The following PKP4 variants were observed in gnomAD, a reference collection of about 807,000 sequenced individuals.
PKP4 encodes the protein plakophilin 4, also known as plakophilin-4.
Under a neutral mutation model 145.1 loss-of-function variants are expected in PKP4, and 90 were observed. The ratio of observed to expected loss-of-function variants is 0.62; its 90% confidence interval spans 0.52 to 0.74. The LOEUF (loss-of-function observed/expected upper bound fraction) is 0.74. Among genes scored for constraint, PKP4 ranks in the 30% least tolerant of loss-of-function variants. The pLI is 0.00. For missense variants in PKP4, 1,340 were observed against 1,482.7 expected (o/e 0.90, Z 1.58); for synonymous variants, 563 against 577.2 (o/e 0.98, Z 0.35).
At chr2:158,588,892 A>G (rs551424780) in intron 3 of PKP4, 14 of 152,312 alleles carry the variant, frequency 9.2e-5, no homozygotes, top group Admixed American at 7.2e-4. Context: ...TTCTAGAGCT[A>G]CAAAGAGACA....
chr2:158,466,915 A>G (rs1025284477), intron 1 of PKP4, among the ~76,000 whole-genome samples: 1 of 152,200 alleles, frequency 6.6e-6, no homozygotes, highest in African/African-American at 2.4e-5. Flanking sequence ...AATCAGTAAT[A>G]TCTTTGTATA....
Position 158,669,922 on chromosome 2 carries a change from CTGCG to C in PKP4, c.2924+8_2924+11del. The C allele has an allele frequency of 6.2e-7, 1 of 1,604,206 alleles. No homozygotes were observed. The highest frequency in any genetic ancestry group is 1.3e-5 in the African/African-American group (1 of 74,860). On this transcript the variant is annotated splice_region_variant and intron_variant, in intron 17 of 21. Coordinates refer to ENST00000389759, the MANE Select transcript of PKP4 (RefSeq NM_003628.6). ...CCAAAGGCAGGGGCGACAGGCAAGTCTGCGGCAAGGAGGTGCAAGCAGTGCTCTT... is the reference window on the plus strand; with the variant it reads ...CCAAAGGCAGGGGCGACAGGCAAGTCGCAAGGAGGTGCAAGCAGTGCTCTT...
chr2:158,542,721 A>G (rs949100180), intron 2 of PKP4, among the ~76,000 whole-genome samples: 1 of 152,170 alleles, frequency 6.6e-6, no homozygotes, highest in African/African-American at 2.4e-5. Context: ...TCATTGCTTT[A>G]CTGGGCCTGC....
chr2:158,552,542 G>T (rs1198295356), intron 2 of PKP4, among the ~76,000 whole-genome samples: 1 of 151,382 alleles, frequency 6.6e-6, no homozygotes, highest in Non-Finnish European at 1.5e-5. Flanking sequence ...AACGTTGGTA[G>T]AAATGTGGGT....
chr2:158,495,564 C>A (rs555108180), intron 1 of PKP4, among the ~76,000 whole-genome samples: 1 of 151,810 alleles, frequency 6.6e-6, no homozygotes, highest in Non-Finnish European at 1.5e-5. Context: ...GTCCGGGTGC[C>A]GTGGCTCCCA....
At chr2:158,571,196 G>A (rs1290028767) in intron 2 of PKP4, among the ~76,000 whole-genome samples, 1 of 152,198 alleles carries the variant, frequency 6.6e-6, no homozygotes, top group African/African-American at 2.4e-5. Flanking sequence ...CTAACTTGAA[G>A]TAAATCCATG....
At chr2:158,627,395 G>T (rs3771654) in intron 7 of PKP4, among the ~76,000 whole-genome samples, 13,277 of 151,860 alleles carry the variant, frequency 0.087, 752 homozygotes, top group Middle Eastern at 0.16. Context: ...CATTTCCTCT[G>T]GTTTAAACAG....
chr2:158,601,963 C>T (rs999519274), intron 3 of PKP4, among the ~76,000 whole-genome samples: 1 of 152,164 alleles, frequency 6.6e-6, no homozygotes, highest in Non-Finnish European at 1.5e-5. Context: ...CAGAGTCACA[C>T]TCCTTTTTCT....
chr2:158,583,341 C>T (rs1374891565), intron 3 of PKP4, among the ~76,000 whole-genome samples: 2 of 152,178 alleles, frequency 1.3e-5, no homozygotes, highest in Non-Finnish European at 2.9e-5. Flanking sequence ...TCCCCTTATG[C>T]CTCCACTCCA....
chr2:158,660,242 A>G (rs1311092501), intron 12 of PKP4: 1 of 152,710 alleles, frequency 6.5e-6, no homozygotes, highest in Non-Finnish European at 1.5e-5. Context: ...AGTGTCAAGA[A>G]AGCATTGGAG....
At chr2:158,526,638 G>A (rs1203539837) in intron 1 of PKP4, among the ~76,000 whole-genome samples, 8 of 100,230 alleles carry the variant, frequency 8.0e-5, no homozygotes, top group African/African-American at 2.5e-4. Flanking sequence ...TGGCCAGGGC[G>A]ATCAGGCAGG....
At chr2:158,550,300 A>C (rs2045503720) in intron 2 of PKP4, among the ~76,000 whole-genome samples, 1 of 152,372 alleles carries the variant, frequency 6.6e-6, no homozygotes, top group South Asian at 2.1e-4. Context: ...CTTAATAAAA[A>C]GAAAATATGG....
chr2:158,575,578 C>T (rs2047776411), intron 2 of PKP4, among the ~76,000 whole-genome samples: 1 of 152,014 alleles, frequency 6.6e-6, no homozygotes, highest in African/African-American at 2.4e-5. Flanking sequence ...GATATGGTAA[C>T]TTTTGCCCAT....
At chr2:158,610,470 A>T (rs1404007585) in intron 4 of PKP4, among the ~76,000 whole-genome samples, 3 of 152,256 alleles carry the variant, frequency 2.0e-5, no homozygotes, top group African/African-American at 7.2e-5. Flanking sequence ...ATAATTCTTC[A>T]TGAGCGAAAA....
At chr2:158,529,858 C>T (rs535342569) in intron 1 of PKP4, among the ~76,000 whole-genome samples, 11 of 152,334 alleles carry the variant, frequency 7.2e-5, no homozygotes, top group African/African-American at 2.6e-4. Context: ...TTATCTCCCT[C>T]TGCCAAATTC....
In PKP4 at chr2:158,547,492, T is replaced by C. The variant is rs958800925; in HGVS notation, c.132+14176T>C. Among the ~76,000 whole-genome samples, 4 of 152,128 alleles carry C rather than the reference T, an allele frequency of 2.6e-5. No homozygotes were observed. In the East Asian group the frequency reaches 5.8e-4, roughly 22 times the overall value. ...GTAACAACAGAAAGCAAGTCCATGA[T>C]TGCTGGGGAACAAAGGGAGGGGCAG... On this transcript the variant is annotated intron_variant, in intron 2 of 21. Transcript: ENST00000389759.
At chr2:158,625,459 C>T in intron 7 of PKP4, 32 bp downstream of exon 7, 1 of 1,514,530 alleles carries the variant, frequency 6.6e-7, no homozygotes, top group Non-Finnish European at 9.0e-7. Context: ...TACATAAAAC[C>T]CAGTGAGGAA....
At chr2:158,637,643 G>A (rs2053919681) in intron 9 of PKP4, among the ~76,000 whole-genome samples, 1 of 152,164 alleles carries the variant, frequency 6.6e-6, no homozygotes, top group African/African-American at 2.4e-5. Context: ...TGGGACTCGT[G>A]GATGTTTCCC....
chr2:158,611,424 A>G lies in PKP4; in HGVS notation c.280+8320A>G, dbSNP rs186444090. 2.6e-3 allele frequency among the ~76,000 whole-genome samples: 391 copies of G among 152,354 alleles called. 1 individual carries two copies. The highest frequency in any genetic ancestry group is 2.6e-3 in the Non-Finnish European group (175 of 68,032). ...TTTGTTTCTAAAATGTATAGATACA[A>G]GTTTCTTCCACTGGGATGAGCTTTA... On this transcript the variant is annotated intron_variant, in intron 4 of 21. Coordinates refer to ENST00000389759, the MANE Select transcript of PKP4 (RefSeq NM_003628.6).
Sources: gnomAD v4.1 joint callset for allele counts (sites outside exome capture counted in the v4.1 genomes callset) on GRCh38, gnomAD v4.1.1 for gene constraint, MANE v1.5 for transcripts, NCBI Gene and HGNC (gene_info 2026-07-23, HGNC 2026-07-21) for gene names.